EIF2D: variants seen among roughly 807,000 people sequenced by gnomAD.
The protein encoded by EIF2D is hepatocellular carcinoma-associated antigen 56.
Under a neutral mutation model 77.4 loss-of-function variants are expected in EIF2D, and 56 were observed. That is an observed-to-expected ratio of 0.72 (90% CI 0.58 to 0.90). The LOEUF (loss-of-function observed/expected upper bound fraction) is 0.90, where lower values mean the gene tolerates loss of function less well. EIF2D is among the 40% of genes least tolerant of loss of function. EIF2D has a pLI of 0.00. For synonymous variants in EIF2D, 230 were observed against 271.0 expected (o/e 0.85, Z 1.49); for missense variants, 574 against 706.5 (o/e 0.81, Z 2.13).
Position 206,585,336 on chromosome 1 carries a change from C to T in EIF2D, c.139-4174G>A, listed in dbSNP as rs782698840. 6 of 1,489,614 alleles carry T rather than the reference C, an allele frequency of 4.0e-6. No individual in the cohort carries two copies. The East Asian group carries it at 1.1e-4, about 28-fold the overall frequency. The allele number at this position is 1,489,614 out of a possible 1,614,324, so 92.3% of individuals were successfully genotyped here. On this transcript the variant is annotated intron_variant and NMD_transcript_variant, in intron 2 of 5. Coordinates refer to the EIF2D transcript ENST00000472709. The stretch of plus-strand genomic sequence containing the variant: ...TTGTGCAAACCCAGGCCTTAGGGCA[C>T]CCTGGGTGGGTGCAGGTGGGTGTTG...
chr1:206,573,537 A>G (rs7527917), intron 4 of EIF2D, among the ~76,000 whole-genome samples: 71,760 of 152,106 alleles, frequency 0.47, 17,598 homozygotes, highest in Middle Eastern at 0.64. Flanking sequence ...ACTGCACTGT[A>G]ATTCCTAGGA....
At chr1:206,593,506 A>AGTGTGTGTGTGCGCGTGT (rs1286437460) in intron 14 of EIF2D, 113 bp downstream of exon 14, 171 of 442,790 alleles carry the variant, frequency 3.9e-4, no homozygotes, top group Non-Finnish European at 3.4e-4. Flanking sequence ...AGAGAGAGAG[A>AGTGTGTGTGTGCGCGTGT]GAGTGTGTGT....
intron 4 of EIF2D, chr1:206,572,759 A>G (rs1668491951): frequency 6.6e-6 from 1 of 152,250 alleles, no homozygotes; most frequent in Non-Finnish European, 1.5e-5. Context: ...TTAATATAGG[A>G]TATTGATGTA....
At chr1:206,575,144 A>G (rs947935568) in intron 4 of EIF2D, among the ~76,000 whole-genome samples, 5 of 152,060 alleles carry the variant, frequency 3.3e-5, no homozygotes, top group African/African-American at 9.7e-5. Context: ...TTTCAAATCC[A>G]GCCCAGATAG....
At chr1:206,571,602 A>C (rs576606677) in intron 5 of EIF2D, 4 of 152,360 alleles carry the variant, frequency 2.6e-5, no homozygotes, top group East Asian at 1.9e-4. Flanking sequence ...GAGTCAAAGC[A>C]ATGCTGGAAT....
chr1:206,569,916 G>A (rs1553403930), downstream of EIF2D, among the ~76,000 whole-genome samples: 1 of 152,154 alleles, frequency 6.6e-6, no homozygotes, highest in Non-Finnish European at 1.5e-5. Flanking sequence ...TGGAGGCCCA[G>A]TTGCTTAGAT....
At chr1:206,590,025 T>C (rs369512021), downstream of EIF2D, among the ~76,000 whole-genome samples, 66 of 152,374 alleles carry the variant, frequency 4.3e-4, 2 homozygotes, top group African/African-American at 1.5e-3. Context: ...GAATCTCATA[T>C]GGTTACAGCA....
intron 4 of EIF2D, chr1:206,572,800 A>G (rs1435996501): frequency 1.3e-5 from 2 of 152,264 alleles, no homozygotes; most frequent in African/African-American, 2.4e-5. Context: ...ATCATAGAAT[A>G]TAATTTTCAG....
At chr1:206,585,561 C>T (rs1311093459) in intron 2 of EIF2D, 10 of 291,146 alleles carry the variant, frequency 3.4e-5, no homozygotes, top group African/African-American at 2.2e-4. Context: ...TCTGAAAACT[C>T]AGGGAGGAGG....
At chr1:206,587,450 C>A, downstream of EIF2D, 1 of 221,552 alleles carries the variant, frequency 4.5e-6, no homozygotes, top group South Asian at 6.0e-5. Flanking sequence ...CTGAGCTAAG[C>A]CCCTGAAAGC....
At chr1:206,594,888 T>A (rs1217134462) in intron 13 of EIF2D, 5 of 152,214 alleles carry the variant, frequency 3.3e-5, no homozygotes, top group Admixed American at 3.3e-4. Flanking sequence ...AAATAGTGAC[T>A]GTTACTAATT....
intron 2 of EIF2D, among the ~76,000 whole-genome samples, chr1:206,582,069 C>T (rs183188565): frequency 8.5e-5 from 13 of 152,332 alleles, no homozygotes; most frequent in Admixed American, 5.9e-4. Flanking sequence ...ACTTGAACGT[C>T]AGGCAAATTC....
chr1:206,591,183 T>A (rs1158333927), downstream of EIF2D, among the ~76,000 whole-genome samples: 1 of 152,206 alleles, frequency 6.6e-6, no homozygotes, highest in Non-Finnish European at 1.5e-5. Context: ...ATCACAAATT[T>A]ACCAGTTAGT....
In EIF2D at chr1:206,604,163, C is replaced by T. The variant is rs149688258; in HGVS notation, c.531-959G>A. On this transcript the variant is annotated intron_variant, in intron 5 of 14. Transcript: ENST00000271764. The stretch of plus-strand genomic sequence containing the variant: ...GTACTTGTAAAATCAGTAAGTCCGG[C>T]GGGGAGCGGTGGCTCACGCCTGTAA... Among the ~76,000 whole-genome samples, 347 of 152,280 alleles carry T rather than the reference C, an allele frequency of 2.3e-3. 2 individuals carry two copies. The highest frequency in any genetic ancestry group is 8.0e-3 in the African/African-American group (332 of 41,550).
intron 13 of EIF2D, 62 bp downstream of exon 13, chr1:206,595,656 G>C (rs570980106): frequency 5.1e-5 from 81 of 1,580,644 alleles, no homozygotes; most frequent in African/African-American, 6.8e-5. Context: ...ACATTAGGGA[G>C]ACCAGAACTT....
intron 4 of EIF2D, among the ~76,000 whole-genome samples, chr1:206,576,962 C>T (rs1371180595): frequency 7.0e-6 from 1 of 143,692 alleles, no homozygotes. Context: ...CTTCACTGTG[C>T]CCAGCTAATT....
At chr1:206,600,134 C>T (rs1264586516) in intron 8 of EIF2D, 129 bp downstream of exon 8, 1 of 947,076 alleles carries the variant, frequency 1.1e-6, no homozygotes, top group Non-Finnish European at 1.6e-6. Context: ...CCCCCTTATA[C>T]TTGGAGTCAA....
intron 6 of EIF2D, chr1:206,602,703 T>C (rs59586686): frequency 1.5e-6 from 1 of 655,960 alleles, no homozygotes; most frequent in Admixed American, 3.0e-5. Context: ...AGAAGAAACC[T>C]TGGAGGGCTT....
chr1:206,612,357 C>A lies in EIF2D; in HGVS notation c.-15G>T. ...TTGGCAAACATGTCTGCTGGGGTGG[C>A]CTGGGGAAGAGAGCACAGAAGCCAG... On this transcript the variant is annotated 5_prime_UTR_variant, in exon 1 of 15. Coordinates refer to ENST00000271764, the MANE Select transcript of EIF2D (RefSeq NM_006893.3). 6.2e-7 allele frequency: 1 copy of A among 1,614,246 alleles called. No individual in the cohort carries two copies. Among genetic ancestry groups the A allele is most frequent in the African/African-American group, 1.3e-5 (1 of 75,068 alleles).
Sources: allele counts gnomAD v4.1 joint callset (sites outside exome capture counted in the v4.1 genomes callset), GRCh38; gene constraint gnomAD v4.1.1; transcripts MANE v1.5; gene names NCBI Gene and HGNC (gene_info 2026-07-23, HGNC 2026-07-21).